EED: variants seen among roughly 807,000 people sequenced by gnomAD.
EED encodes the protein polycomb protein EED.
A neutral mutation model predicts 61.0 loss-of-function variants in EED; 9 were observed. That is an observed-to-expected ratio of 0.15 (90% confidence interval 0.09 to 0.26). The LOEUF (loss-of-function observed/expected upper bound fraction) is 0.26. EED is among the 10% of genes least tolerant of loss of function. The probability of loss-of-function intolerance (pLI) is 1.00; values close to 1 mark genes in which losing one functional copy is unlikely to be tolerated. For missense variants in EED, 315 were observed against 542.3 expected (o/e 0.58, Z 4.16); for synonymous variants, 187 against 174.4 (o/e 1.07, Z -0.57).
At chr11:86,271,319 TTA>T (rs1211874873) in intron 9 of EED, among the ~76,000 whole-genome samples, 6 of 152,254 alleles carry the variant, frequency 3.9e-5, no homozygotes, top group Admixed American at 1.3e-4. Context: ...TTTTCCATTT[TTA>T]TGTGTTCATA....
chr11:86,260,160 C>G (rs1945790304), intron 6 of EED, among the ~76,000 whole-genome samples: 1 of 152,184 alleles, frequency 6.6e-6, no homozygotes, highest in Admixed American at 6.5e-5. Flanking sequence ...CATTTATATT[C>G]ACAGACAGAA....
At chr11:86,261,857 G>C (rs935790704) in intron 6 of EED, among the ~76,000 whole-genome samples, 1 of 152,192 alleles carries the variant, frequency 6.6e-6, no homozygotes, top group African/African-American at 2.4e-5. Context: ...GAATGTAGAG[G>C]TCCCATGGGT....
At chr11:86,265,872 A>G (rs2138196039) in intron 7 of EED, 1 of 359,914 alleles carries the variant, frequency 2.8e-6, no homozygotes. Flanking sequence ...TACATTGTAA[A>G]TGCTCTTATA....
At chr11:86,269,787 C>T (rs1946068796) in intron 9 of EED, among the ~76,000 whole-genome samples, 1 of 152,022 alleles carries the variant, frequency 6.6e-6, no homozygotes, top group Admixed American at 6.5e-5. Context: ...TGTTTTTTTC[C>T]ACTCAAACCC....
At chr11:86,268,878 G>T (rs940273631) in intron 9 of EED, among the ~76,000 whole-genome samples, 1 of 152,010 alleles carries the variant, frequency 6.6e-6, no homozygotes, top group African/African-American at 2.4e-5. Flanking sequence ...CAACAGAATT[G>T]GCTTTTGTTT....
intron 1 of EED, among the ~76,000 whole-genome samples, chr11:86,247,832 A>G (rs1225736244): frequency 6.6e-6 from 1 of 152,230 alleles, no homozygotes; most frequent in African/African-American, 2.4e-5. Flanking sequence ...TTTGTGTTAG[A>G]GTTCAGGTAA....
chr11:86,250,571 C>G, intron 2 of EED, 123 bp downstream of exon 2: 1 of 1,150,372 alleles, frequency 8.7e-7, no homozygotes, highest in Non-Finnish European at 1.1e-6. Context: ...ACAATGTTTT[C>G]TGAAGGGTTT....
At chr11:86,250,161 G>A (rs917149526) in intron 1 of EED, 135 bp from the exon 2 acceptor site, 9 of 725,926 alleles carry the variant, frequency 1.2e-5, no homozygotes, top group Non-Finnish European at 1.8e-5. Flanking sequence ...ATCCTTATGT[G>A]GAGGCAAGAA....
intron 9 of EED, 151 bp downstream of exon 9, chr11:86,268,712 A>G: frequency 2.2e-6 from 1 of 462,272 alleles, no homozygotes; most frequent in Non-Finnish European, 3.8e-6. Flanking sequence ...GCCTTTTTTA[A>G]AGTCTCATAT....
intron 1 of EED, among the ~76,000 whole-genome samples, chr11:86,249,949 G>T (rs888639653): frequency 1.3e-5 from 2 of 152,140 alleles, no homozygotes; most frequent in African/African-American, 4.8e-5. Context: ...AGACCAGTTA[G>T]GCTTTTTCAG....
rs139557599 is a variant in EED, at chr11:86,255,494, A to G, written c.426+207A>G. Among the ~76,000 whole-genome samples the G allele has an allele frequency of 7.0e-4, 106 of 152,328 alleles. 2 individuals carry two copies. Among genetic ancestry groups the G allele is most frequent in the African/African-American group, 2.4e-3 (98 of 41,568 alleles). On this transcript the variant is annotated intron_variant, in intron 4 of 11. Transcript: ENST00000263360. ...TGTGTCAACTCAGCTAGGCAAAAAG[A>G]AAAAGAAAAGAATCCATTGTGGGAT...
intron 11 of EED, 192 bp from the exon 12 acceptor site, chr11:86,278,207 T>C: frequency 7.5e-7 from 1 of 1,334,902 alleles, no homozygotes; most frequent in Non-Finnish European, 9.6e-7. Flanking sequence ...ACAAATTATG[T>C]AGTGCTTGTT....
At chr11:86,265,899 C>G (rs866443582) in intron 7 of EED, 184 bp from the exon 8 acceptor site, 20 of 427,218 alleles carry the variant, frequency 4.7e-5, no homozygotes, top group Middle Eastern at 6.0e-4. Flanking sequence ...TGTTGACAAA[C>G]TAATTAAAGC....
the EED span, among the ~76,000 whole-genome samples, chr11:86,285,425 A>G: frequency 1.3e-5 from 2 of 152,184 alleles, no homozygotes; most frequent in African/African-American, 4.8e-5. Flanking sequence ...GTCTCAAAAA[A>G]AGAAAAAAAA....
chr11:86,277,931 G>T lies in EED; in HGVS notation c.1139G>T (p.Gly380Val). The change falls in exon 11 of 12, where the codon GGC becomes GTC. Residue 380 changes from glycine to valine, a missense_variant. Coordinates refer to ENST00000263360, the MANE Select transcript of EED (RefSeq NM_003797.5). Reference sequence around the variant, plus strand: ...ATGTTTATACAGATGCTTGCATTGGGCAATCAAGTTGGCAAACTTTATGTT... The same window carrying T: ...ATGTTTATACAGATGCTTGCATTGGTCAATCAAGTTGGCAAACTTTATGTT... The part of the protein sequence containing the change: ...MDFWQKMLAL[G>V]NQVGKLYVWD... The T allele has an allele frequency of 6.5e-7, 1 of 1,543,746 alleles. No homozygotes were observed. The highest frequency in any genetic ancestry group is 1.4e-5 in the African/African-American group (1 of 70,052).
chr11:86,283,496 G>A (rs1946346656), downstream of EED, among the ~76,000 whole-genome samples: 1 of 152,276 alleles, frequency 6.6e-6, no homozygotes, highest in East Asian at 1.9e-4. Context: ...TATGAGAGCA[G>A]GGTTTTTATT....
the EED span, among the ~76,000 whole-genome samples, chr11:86,286,993 AAG>A: frequency 6.6e-6 from 1 of 150,450 alleles, no homozygotes. Flanking sequence ...AAAAAAAAAA[AAG>A]AAATAGACTA....
chr11:86,257,516 A>G lies in EED; in HGVS notation c.554A>G (p.His185Arg). The change falls in exon 6 of 12, where the codon CAC (histidine) becomes CGC (arginine). Residue 185 changes from histidine to arginine, a missense_variant and splice_region_variant. Physicochemically the swap from His to Arg is conservative, Grantham distance 29. Around this residue, in one of 2 missense-constraint regions of EED, gnomAD observed 205 missense variants for 455.4 expected, o/e 0.45. Coordinates refer to ENST00000263360, the MANE Select transcript of EED (RefSeq NM_003797.5). ...INPITMQCIKHYVGHGNAINE... is the reference protein window; with the variant it reads ...INPITMQCIKRYVGHGNAINE... ...TGAAATGTTTTAAATTTATTGTAGC[A>G]CTATGTTGGCCATGGAAATGCTATC... The G allele has an allele frequency of 6.2e-7, 1 of 1,606,202 alleles. No homozygotes were observed. Among genetic ancestry groups the G allele is most frequent in the Non-Finnish European group, 8.5e-7 (1 of 1,177,060 alleles).
intron 9 of EED, 67 bp downstream of exon 9, chr11:86,268,628 T>G: frequency 2.7e-6 from 3 of 1,102,780 alleles, no homozygotes; most frequent in Non-Finnish European, 3.9e-6. Context: ...TGTGTGTGTA[T>G]GTGTGTGCGC....
Sources: allele counts gnomAD v4.1 joint callset (sites outside exome capture counted in the v4.1 genomes callset), GRCh38; gene constraint gnomAD v4.1.1; regional missense constraint gnomAD v4.1.1; transcripts MANE v1.5; gene names NCBI Gene and HGNC (gene_info 2026-07-23, HGNC 2026-07-21).